TMEM132B: variants seen among roughly 807,000 people sequenced by gnomAD.
TMEM132B encodes the protein transmembrane protein 132B.
In TMEM132B, 18 loss-of-function variants were observed where a neutral mutation model predicts 90.8. That is an observed-to-expected ratio of 0.20 (90% CI 0.14 to 0.29). TMEM132B has a LOEUF of 0.29. Ranked by LOEUF, TMEM132B falls within the 10% of genes least tolerant of loss-of-function variation. The pLI, the probability that TMEM132B is intolerant of heterozygous loss-of-function variation, is 1.00. For synonymous variants in TMEM132B, 504 were observed against 523.3 expected, an observed-to-expected ratio of 0.96 and a Z score of 0.50; for missense variants, 1,096 against 1,326.8, an observed-to-expected ratio of 0.83 and a Z score of 2.70.
chr12:125,611,191 G>A (rs1194585811), intron 5 of TMEM132B, among the ~76,000 whole-genome samples: 2 of 152,058 alleles, frequency 1.3e-5, no homozygotes, highest in African/African-American at 2.4e-5. Flanking sequence ...TTGCACACAA[G>A]TATTCATAAC....
At chr12:125,602,398 C>G (rs1419342354) in intron 5 of TMEM132B, among the ~76,000 whole-genome samples, 1 of 152,036 alleles carries the variant, frequency 6.6e-6, no homozygotes. Context: ...AAAATGCCTT[C>G]GATAAAACTC....
At chr12:125,622,475 T>C (rs1179830702) in intron 5 of TMEM132B, 1 of 985,220 alleles carries the variant, frequency 1.0e-6, no homozygotes, top group Non-Finnish European at 1.2e-6. Context: ...CAACCAACCT[T>C]TCCTGTGCTG....
chr12:125,639,333 A>G (rs1026887754), intron 5 of TMEM132B, among the ~76,000 whole-genome samples: 1 of 152,236 alleles, frequency 6.6e-6, no homozygotes, highest in African/African-American at 2.4e-5. Context: ...TAATGTCATT[A>G]CCATGATAAC....
intron 3 of TMEM132B, among the ~76,000 whole-genome samples, chr12:125,455,714 G>A (rs1295093659): frequency 6.6e-6 from 1 of 150,736 alleles, no homozygotes; most frequent in Non-Finnish European, 1.5e-5. Context: ...GTAATCACTT[G>A]TATGTTTCAC....
intron 3 of TMEM132B, among the ~76,000 whole-genome samples, chr12:125,422,805 G>A (rs1435610652): frequency 1.3e-5 from 2 of 152,178 alleles, no homozygotes; most frequent in Non-Finnish European, 2.9e-5. Context: ...GACACTGATT[G>A]TCCCCTGGAG....
intron 1 of TMEM132B, among the ~76,000 whole-genome samples, chr12:125,227,867 A>G (rs570552356): frequency 1.3e-5 from 2 of 152,300 alleles, no homozygotes; most frequent in East Asian, 3.9e-4. Flanking sequence ...GATAACTCCA[A>G]AGTGAATCTC....
Position 125,654,071 on chromosome 12 carries a change from A to G in TMEM132B, c.2613A>G (p.Pro871=). The G allele has an allele frequency of 6.2e-7, 1 of 1,614,204 alleles. No individual in the cohort carries two copies. The highest frequency in any genetic ancestry group is 8.5e-7 in the Non-Finnish European group (1 of 1,180,028). ...ATAAGTTACTCAAAAGTGGTGGTCC[A>G]GATGCCTTTACAAGCTTCCCCACTC... ...GKNKLLKSGG[P]DAFTSFPTQG... Residue 871 remains proline, a synonymous_variant, in exon 9 of 9, where the codon CCA becomes CCG. Transcript: ENST00000682704. This position sits in a 1 kb window ranked among gnomAD's most constrained non-coding sequence, Gnocchi z 5.8.
At chr12:125,392,248 A>G (rs952821495) in intron 2 of TMEM132B, among the ~76,000 whole-genome samples, 2 of 152,220 alleles carry the variant, frequency 1.3e-5, no homozygotes, top group Non-Finnish European at 2.9e-5. Context: ...TAACATTTCC[A>G]TCTTACCTGA....
Position 125,314,159 on chromosome 12 carries a change from T to C in TMEM132B, c.68-35293T>C, listed in dbSNP as rs559140495. The stretch of plus-strand genomic sequence containing the variant: ...AGGGGACTTGATTACGTTTTGTTTC[T>C]GTGAAAGTCTTGCTCCAATTCGAGG... On this transcript the variant is annotated intron_variant, in intron 1 of 8. Coordinates refer to ENST00000682704, the MANE Select transcript of TMEM132B (RefSeq NM_001366854.1). 2.0e-5 allele frequency among the ~76,000 whole-genome samples: 3 copies of C among 152,312 alleles called. No homozygotes were observed. In the East Asian group the frequency reaches 5.8e-4, roughly 29 times the overall value.
At chr12:125,321,476 CTT>C (rs34356043) in intron 1 of TMEM132B, among the ~76,000 whole-genome samples, 1,362 of 129,986 alleles carry the variant, frequency 0.01, 16 homozygotes, top group African/African-American at 0.034. Flanking sequence ...GAAAATGATT[CTT>C]TTTTTTTTTT....
intron 4 of TMEM132B, among the ~76,000 whole-genome samples, chr12:125,523,339 A>T (rs1883358498): frequency 6.6e-6 from 1 of 152,074 alleles, no homozygotes; most frequent in Non-Finnish European, 1.5e-5. Context: ...CAGCTTCTAG[A>T]GGCCATCAGC....
chr12:125,454,780 A>C (rs1227643897), intron 3 of TMEM132B, among the ~76,000 whole-genome samples: 1 of 152,216 alleles, frequency 6.6e-6, no homozygotes. Flanking sequence ...TAACAAGTGG[A>C]TATGATGCCT....
intron 4 of TMEM132B, among the ~76,000 whole-genome samples, chr12:125,565,290 G>C (rs532096908): frequency 1.3e-5 from 2 of 152,300 alleles, no homozygotes; most frequent in Non-Finnish European, 2.9e-5. Flanking sequence ...GAGCTGCCAT[G>C]CATGCTCAAA....
intron 3 of TMEM132B, among the ~76,000 whole-genome samples, chr12:125,422,419 C>T (rs139314701): frequency 2.8e-4 from 43 of 152,350 alleles, no homozygotes; most frequent in Non-Finnish European, 5.7e-4. Context: ...CAGCTTTCAG[C>T]TCTCTTGTTC....
intron 1 of TMEM132B, among the ~76,000 whole-genome samples, chr12:125,250,678 G>T (rs755708397): frequency 2.6e-5 from 4 of 151,898 alleles, no homozygotes; most frequent in African/African-American, 9.7e-5. Context: ...GCTCTCTCTG[G>T]GTTCCCCCTT....
chr12:125,344,189 T>TAGC (rs2136224993), intron 1 of TMEM132B, among the ~76,000 whole-genome samples: 1 of 152,282 alleles, frequency 6.6e-6, no homozygotes, highest in Admixed American at 6.5e-5. Context: ...TGAGGGAATA[T>TAGC]AGCAGGATGG....
intron 3 of TMEM132B, among the ~76,000 whole-genome samples, chr12:125,517,573 G>C (rs1883199501): frequency 6.6e-6 from 1 of 151,996 alleles, no homozygotes; most frequent in Non-Finnish European, 1.5e-5. Flanking sequence ...GTGCAGCTTA[G>C]GGTCAGCTGG....
rs114874498 is a variant in TMEM132B, at chr12:125,296,196, G to A, written c.68-53256G>A. Among the ~76,000 whole-genome samples the A allele has an allele frequency of 1.4e-4, 22 of 152,264 alleles. No homozygotes were observed. In the East Asian group the frequency reaches 1.9e-3, roughly 13 times the overall value. On this transcript the variant is annotated intron_variant, in intron 1 of 8. Transcript: ENST00000682704. ...TGGTGGCCCCACGGCCCAGTACAGC[G>A]TGGTCCTGGGCTTCTCCTGATCCCA...
At chr12:125,552,420 G>A (rs1359406611) in intron 4 of TMEM132B, among the ~76,000 whole-genome samples, 1 of 152,226 alleles carries the variant, frequency 6.6e-6, no homozygotes, top group Non-Finnish European at 1.5e-5. Flanking sequence ...CAGGAGCAGA[G>A]CTGCCTTAGC....
Sources: gnomAD v4.1 joint callset for allele counts (sites outside exome capture counted in the v4.1 genomes callset) on GRCh38, gnomAD v4.1.1 for gene constraint, Gnocchi (gnomAD v3.1) non-coding constraint, MANE v1.5 for transcripts, NCBI Gene and HGNC (gene_info 2026-07-23, HGNC 2026-07-21) for gene names.